WDR64: variants seen among roughly 807,000 people sequenced by gnomAD.
WDR64 encodes the protein WD repeat domain 64, also known as WD repeat-containing protein 64.
A neutral mutation model predicts 139.3 loss-of-function variants in WDR64; 112 were observed. That is an observed-to-expected ratio of 0.80 (90% CI 0.69 to 0.94). The LOEUF (loss-of-function observed/expected upper bound fraction) is 0.94. Among genes scored for constraint, WDR64 ranks in the 40% least tolerant of loss-of-function variants. The probability of loss-of-function intolerance (pLI) is 0.00; values close to 1 mark genes in which losing one functional copy is unlikely to be tolerated. For synonymous variants in WDR64, 444 were observed against 437.7 expected (o/e 1.01, Z -0.18); for missense variants, 1,206 against 1,293.1 (o/e 0.93, Z 1.03).
At chr1:241,718,895 T>C (rs2148190800) in intron 9 of WDR64, among the ~76,000 whole-genome samples, 1 of 152,214 alleles carries the variant, frequency 6.6e-6, no homozygotes, top group Non-Finnish European at 1.5e-5. Context: ...ATAAGGACAT[T>C]AATCCCATCA....
chr1:241,755,281 GTCTCTTTT>G (rs1168129003), intron 14 of WDR64, among the ~76,000 whole-genome samples: 1 of 152,170 alleles, frequency 6.6e-6, no homozygotes. Flanking sequence ...ATGAGATGGT[GTCTCTTTT>G]TGGTTTTGAT....
intron 24 of WDR64, 104 bp downstream of exon 24, chr1:241,788,138 C>G: frequency 1.9e-6 from 2 of 1,027,856 alleles, no homozygotes; most frequent in Non-Finnish European, 2.7e-6. Context: ...AGGTCCAGAA[C>G]TTTTCAATAA....
intron 23 of WDR64, among the ~76,000 whole-genome samples, chr1:241,785,112 T>C (rs1165972809): frequency 2.6e-5 from 4 of 152,092 alleles, no homozygotes; most frequent in African/African-American, 4.8e-5. Context: ...AAGTGTTCAT[T>C]TGAGTTTGTA....
chr1:241,689,946 C>A (rs1667150755), intron 8 of WDR64, among the ~76,000 whole-genome samples: 1 of 151,290 alleles, frequency 6.6e-6, no homozygotes, highest in Non-Finnish European at 1.5e-5. Flanking sequence ...ATAGGATATC[C>A]AAAAACTGTG....
chr1:241,697,326 G>A (rs574765819), intron 8 of WDR64, among the ~76,000 whole-genome samples: 7 of 152,084 alleles, frequency 4.6e-5, no homozygotes, highest in South Asian at 2.1e-4. Context: ...ATCTCTGGCC[G>A]TACCTATTCT....
chr1:241,702,006 AG>A (rs1485384159), intron 8 of WDR64, among the ~76,000 whole-genome samples: 1 of 152,246 alleles, frequency 6.6e-6, no homozygotes, highest in Non-Finnish European at 1.5e-5. Context: ...TCCATTCAGA[AG>A]TGATTACCAT....
At chr1:241,798,895 T>G (rs1421898305) in intron 27 of WDR64, among the ~76,000 whole-genome samples, 1 of 152,102 alleles carries the variant, frequency 6.6e-6, no homozygotes, top group Non-Finnish European at 1.5e-5. Flanking sequence ...CAACAAAAGA[T>G]AAATCAGAAC....
At chr1:241,723,550 G>A in intron 10 of WDR64, 114 bp downstream of exon 10, 1 of 1,195,076 alleles carries the variant, frequency 8.4e-7, no homozygotes, top group African/African-American at 1.5e-5. Context: ...TTGAATCATT[G>A]AGAAAAATAT....
At chr1:241,723,532 G>T in intron 10 of WDR64, 96 bp downstream of exon 10, 1 of 1,325,264 alleles carries the variant, frequency 7.5e-7, no homozygotes, top group African/African-American at 1.5e-5. Flanking sequence ...TGAAATAAAT[G>T]ATAGTCATTG....
Position 241,757,379 on chromosome 1 carries a change from T to A in WDR64, c.1867T>A (p.Ser623Thr). Residue 623 changes from serine (S) to threonine (T), a missense_variant, in exon 15 of 28, where the codon TCT becomes ACT. Coordinates refer to ENST00000437684, the MANE Select transcript of WDR64 (RefSeq NM_001367482.1). Reference sequence around the variant, plus strand: ...GAAACATGCTGTGCATCTGAGAATGTCTACTAGAGACAGGAACATGGCTAT... The same window carrying A: ...GAAACATGCTGTGCATCTGAGAATGACTACTAGAGACAGGAACATGGCTAT... ...DGKHAVHLRM[S>T]TRDRNMAIPF... 6.2e-7 allele frequency: 1 copy of A among 1,614,110 alleles called. No individual in the cohort carries two copies. The highest frequency in any genetic ancestry group is 1.1e-5 in the South Asian group (1 of 91,066).
At chr1:241,714,209 G>A (rs1466386248) in intron 9 of WDR64, among the ~76,000 whole-genome samples, 1 of 152,124 alleles carries the variant, frequency 6.6e-6, no homozygotes, top group Non-Finnish European at 1.5e-5. Context: ...ACTTAAATGA[G>A]CAAAACAGAA....
At chr1:241,687,628 T>C in intron 8 of WDR64, 33 bp downstream of exon 8, 1 of 1,567,014 alleles carries the variant, frequency 6.4e-7, no homozygotes, top group Non-Finnish European at 8.6e-7. Context: ...ATGAACAGTC[T>C]GTGAATTTCA....
At chr1:241,784,043 G>A (rs1558523913) in intron 23 of WDR64, among the ~76,000 whole-genome samples, 1 of 152,136 alleles carries the variant, frequency 6.6e-6, no homozygotes, top group Non-Finnish European at 1.5e-5. Flanking sequence ...GAATTTCAAT[G>A]GAATCAAAAC....
chr1:241,731,582 G>A (rs1041196429), intron 10 of WDR64, among the ~76,000 whole-genome samples: 1 of 152,190 alleles, frequency 6.6e-6, no homozygotes, highest in African/African-American at 2.4e-5. Context: ...TGCCTCCTGA[G>A]GTGGTATCTT....
At chr1:241,716,679 C>T (rs1668416068) in intron 9 of WDR64, among the ~76,000 whole-genome samples, 1 of 150,514 alleles carries the variant, frequency 6.6e-6, no homozygotes, top group Non-Finnish European at 1.5e-5. Context: ...ATGATGATGG[C>T]GATGGTGATA....
intron 2 of WDR64, among the ~76,000 whole-genome samples, chr1:241,662,952 G>T (rs1665887697): frequency 6.6e-6 from 1 of 152,146 alleles, no homozygotes; most frequent in Non-Finnish European, 1.5e-5. Flanking sequence ...CTCATTATTT[G>T]TGGATATTCT....
rs116598374 is a variant in WDR64 at position 241,719,968 on chromosome 1, C to G, written c.1055-3329C>G. ...CCTGATCCTCTCTCTTCCTCACCAC[C>G]CAGTGAATGTGAGTTGTTCCCCACC... On this transcript the variant is annotated intron_variant, in intron 9 of 27. Coordinates refer to ENST00000437684, the MANE Select transcript of WDR64 (RefSeq NM_001367482.1). 6.0e-3 allele frequency among the ~76,000 whole-genome samples: 908 copies of G among 152,104 alleles called. 4 individuals carry two copies. Among genetic ancestry groups the G allele is most frequent in the African/African-American group, 0.021 (856 of 41,526 alleles).
intron 10 of WDR64, among the ~76,000 whole-genome samples, chr1:241,733,648 C>A (rs7365464): frequency 0.16 from 23,566 of 149,412 alleles, 2,182 homozygotes; most frequent in East Asian, 0.28. Context: ...TAATTTATTA[C>A]TTATATACAT....
intron 23 of WDR64, among the ~76,000 whole-genome samples, chr1:241,784,976 A>AAAAAAAAAAAAAAAAAAAAAAT (rs138513526): frequency 1.0e-5 from 1 of 98,410 alleles, no homozygotes. Context: ...AAAAAAAAAA[A>AAAAAAAAAAAAAAAAAAAAAAT]GAAAGGACAT....
Sources: allele counts gnomAD v4.1 joint callset (sites outside exome capture counted in the v4.1 genomes callset), GRCh38; gene constraint gnomAD v4.1.1; transcripts MANE v1.5; gene names NCBI Gene and HGNC (gene_info 2026-07-23, HGNC 2026-07-21).